TPGS2: variants seen among roughly 807,000 people sequenced by gnomAD.
TPGS2 encodes the protein polyglutamylase subunit 2.
Under a neutral mutation model 31.1 loss-of-function variants are expected in TPGS2, and 26 were observed. That is an observed-to-expected ratio of 0.84 (90% CI 0.61 to 1.16). The LOEUF (loss-of-function observed/expected upper bound fraction) is 1.16. Among genes scored for constraint, TPGS2 ranks in the 50% most tolerant of loss-of-function variants. The pLI is 0.00. For missense variants in TPGS2, 351 were observed against 363.8 expected (o/e 0.96, Z 0.29); for synonymous variants, 130 against 136.6 (o/e 0.95, Z 0.34).
intron 2 of TPGS2, among the ~76,000 whole-genome samples, chr18:36,809,814 T>C (rs968189878): frequency 6.6e-6 from 1 of 152,174 alleles, no homozygotes; most frequent in Admixed American, 6.5e-5. Flanking sequence ...GGGGATTCCA[T>C]GAGATCCAGG....
chr18:36,800,267 CA>C lies in TPGS2; in HGVS notation c.426del (p.Ser142ArgfsTer2). 1.2e-6 allele frequency: 2 copies of C among 1,614,206 alleles called. No homozygotes were observed. The highest frequency in any genetic ancestry group is 1.7e-6 in the Non-Finnish European group (2 of 1,180,028). ...QPEKPHFDSR[S>X]VIFELDSCNG... ...TTGCATGAATCCAGCTCAAATATCA[CA>C]CTGCGAGAGTCAAAGTGAGGCTTCT... On this transcript the variant is annotated frameshift_variant, in exon 5 of 7. Coordinates refer to ENST00000334295, the MANE Select transcript of TPGS2 (RefSeq NM_015476.4). LOFTEE classifies it high-confidence loss of function.
intron 1 of TPGS2, among the ~76,000 whole-genome samples, chr18:36,825,345 T>G (rs1295357094): frequency 7.0e-6 from 1 of 143,454 alleles, no homozygotes; most frequent in African/African-American, 2.6e-5. Context: ...GGCAGGAGAA[T>G]GGCTAGAACC....
At chr18:36,783,542 G>A (rs2044064213) in intron 6 of TPGS2, among the ~76,000 whole-genome samples, 1 of 152,200 alleles carries the variant, frequency 6.6e-6, no homozygotes, top group Non-Finnish European at 1.5e-5. Context: ...GGGATGGAGT[G>A]GGAGGGTGCA....
intron 6 of TPGS2, among the ~76,000 whole-genome samples, chr18:36,785,347 T>C (rs368707809): frequency 1.3e-5 from 2 of 152,310 alleles, no homozygotes; most frequent in African/African-American, 4.8e-5. Context: ...TTGGCAGTCA[T>C]GTACAAATTT....
At chr18:36,805,678 T>G (rs2045089953) in intron 3 of TPGS2, among the ~76,000 whole-genome samples, 176 bp from the exon 4 acceptor site, 1 of 152,150 alleles carries the variant, frequency 6.6e-6, no homozygotes, top group Non-Finnish European at 1.5e-5. Context: ...GTACCAACCT[T>G]TCATACAAAA....
At chr18:36,826,933 T>C (rs553422165) in intron 1 of TPGS2, among the ~76,000 whole-genome samples, 3 of 152,382 alleles carry the variant, frequency 2.0e-5, no homozygotes, top group Non-Finnish European at 4.4e-5. Context: ...GAGTTTTTTT[T>C]AATCAAGAAA....
In TPGS2 at chr18:36,822,490, T is replaced by C. The variant is rs374815743; in HGVS notation, c.86-3517A>G. Among the ~76,000 whole-genome samples the C allele has an allele frequency of 5.7e-4, 84 of 148,544 alleles. 3 individuals carry two copies. In the South Asian group the frequency reaches 0.017, roughly 30 times the overall value. ...TCCCAGAAACATGCATCCATCTTTT[T>C]ATATTTAACATTTGATTTAGTTTGA... On this transcript the variant is annotated intron_variant, in intron 1 of 6. Transcript: ENST00000334295.
chr18:36,783,129 A>G (rs1179906729), exon 7 of TPGS2: 1 of 398,484 alleles, frequency 2.5e-6, no homozygotes, highest in South Asian at 1.3e-4. Context: ...GGCCTAAAAG[A>G]GCCTATAAGA....
intron 3 of TPGS2, among the ~76,000 whole-genome samples, chr18:36,806,726 C>G (rs2045152636): frequency 6.6e-6 from 1 of 151,712 alleles, no homozygotes; most frequent in Non-Finnish European, 1.5e-5. Flanking sequence ...TGGCACATGC[C>G]TGTAATCCCA....
At position 36,788,663 on chromosome 18, in the gene TPGS2, T is replaced by G. The variant is rs531473326; in HGVS notation, c.658-5532A>C. 3 of 152,320 alleles carry G rather than the reference T, an allele frequency of 2.0e-5. No homozygotes were observed. The East Asian group carries it at 5.8e-4, about 29-fold the overall frequency. The allele number at this position is 152,320 out of a possible 1,614,324, so 9.4% of individuals were successfully genotyped here. A position where few individuals can be genotyped will look rare whatever the true frequency, so the allele number is the denominator to read the frequency against. On this transcript the variant is annotated intron_variant, in intron 6 of 6. Transcript: ENST00000587129. ...GAAGAAAGATTAACCTAGCTGGTCT[T>G]CAGAGGAGTACCAGTTACCTCAAAA... is the stretch of plus-strand genomic sequence containing the variant.
At chr18:36,804,141 A>G (rs973750103) in intron 4 of TPGS2, among the ~76,000 whole-genome samples, 7 of 151,982 alleles carry the variant, frequency 4.6e-5, no homozygotes, top group African/African-American at 1.7e-4. Context: ...TGTGTATTCT[A>G]TTTTTTGCTG....
rs1296371392 is a variant in TPGS2, at chr18:36,796,140, A to G, written c.*665T>C. The stretch of plus-strand genomic sequence containing the variant: ...CAGAGCGAGATATTTGTGGTAAGGG[A>G]TACAAAGAACATACAATTGTGTACT... On this transcript the variant is annotated 3_prime_UTR_variant, in exon 7 of 7. Coordinates refer to ENST00000334295, the MANE Select transcript of TPGS2 (RefSeq NM_015476.4). 8 of 985,318 alleles carry G rather than the reference A, an allele frequency of 8.1e-6. No homozygotes were observed. The South Asian group carries it at 3.3e-4, about 40-fold the overall frequency. 61.0% of individuals were successfully genotyped at this position (985,318 alleles called of 1,614,324 possible).
At chr18:36,798,420 G>C (rs1192848621) in intron 6 of TPGS2, 29 bp downstream of exon 6, 3 of 1,613,858 alleles carry the variant, frequency 1.9e-6, no homozygotes, top group Non-Finnish European at 2.5e-6. Flanking sequence ...ATATACCATA[G>C]TTTACAATGG....
chr18:36,808,630 T>C (rs1226876593), intron 2 of TPGS2, among the ~76,000 whole-genome samples: 7 of 151,142 alleles, frequency 4.6e-5, no homozygotes, highest in African/African-American at 1.7e-4. Flanking sequence ...AAAGAGAGAC[T>C]CCATCTCAAA....
At chr18:36,788,433 C>T (rs532123525) in intron 6 of TPGS2, among the ~76,000 whole-genome samples, 1 of 152,266 alleles carries the variant, frequency 6.6e-6, no homozygotes, top group East Asian at 1.9e-4. Flanking sequence ...GCCTCGTTTT[C>T]AAAATAAAGT....
intron 1 of TPGS2, among the ~76,000 whole-genome samples, chr18:36,822,513 T>C (rs1420120066): frequency 6.6e-6 from 1 of 152,226 alleles, no homozygotes; most frequent in Non-Finnish European, 1.5e-5. Context: ...TGATTTAGTT[T>C]GATTTAGGTA....
chr18:36,828,092 C>G (rs1007345978), intron 1 of TPGS2, among the ~76,000 whole-genome samples: 2 of 152,114 alleles, frequency 1.3e-5, no homozygotes, highest in Non-Finnish European at 2.9e-5. Flanking sequence ...TGCTTGAACC[C>G]AGGAGGCGCA....
chr18:36,783,224 C>T (rs889391465), intron 6 of TPGS2: 2 of 390,266 alleles, frequency 5.1e-6, no homozygotes, highest in Non-Finnish European at 9.0e-6. Context: ...TTTCCCCTCT[C>T]TTGATGCCAC....
At chr18:36,781,685 G>T, downstream of TPGS2, 3 of 873,126 alleles carry the variant, frequency 3.4e-6, no homozygotes, top group Non-Finnish European at 4.1e-6. Flanking sequence ...TCCTGAACCT[G>T]GGGATATGTG....
Sources: allele counts gnomAD v4.1 joint callset (sites outside exome capture counted in the v4.1 genomes callset), GRCh38; gene constraint gnomAD v4.1.1; transcripts MANE v1.5; gene names NCBI Gene and HGNC (gene_info 2026-07-23, HGNC 2026-07-21).